The following NAA25 variants were observed in gnomAD, a reference collection of about 807,000 sequenced individuals.
NAA25 encodes the protein N-terminal acetyltransferase B complex subunit NAA25.
NAA25 carries 30 observed loss-of-function variants against 132.5 expected under a neutral mutation model. That is an observed-to-expected ratio of 0.23 (90% confidence interval 0.17 to 0.31). NAA25 has a LOEUF of 0.31. Ranked by LOEUF, NAA25 falls within the 10% of genes least tolerant of loss-of-function variation. NAA25 has a pLI of 1.00. For missense variants in NAA25, 771 were observed against 1,150.4 expected, an observed-to-expected ratio of 0.67 and a Z score of 4.77; for synonymous variants, 359 against 401.9, an observed-to-expected ratio of 0.89 and a Z score of 1.28.
chr12:112,074,543 G>A (rs2078867653), intron 9 of NAA25, 132 bp downstream of exon 9: 1 of 506,032 alleles, frequency 2.0e-6, no homozygotes. Flanking sequence ...TAAAAAATAT[G>A]AAAAAATGTC....
At chr12:112,065,155 G>A (rs1444023764) in intron 11 of NAA25, among the ~76,000 whole-genome samples, 1 of 152,150 alleles carries the variant, frequency 6.6e-6, no homozygotes. Flanking sequence ...GAGGCCAAGA[G>A]TTCAAGACCA....
chr12:112,048,979 G>A (rs998291931), intron 15 of NAA25, among the ~76,000 whole-genome samples: 6 of 151,212 alleles, frequency 4.0e-5, no homozygotes, highest in Non-Finnish European at 7.4e-5. Flanking sequence ...TGAGCATTAC[G>A]TCAGGATAGA....
rs1197764093 is a variant in NAA25 at position 112,028,265 on chromosome 12, C to T, written c.*1266G>A. The stretch of plus-strand genomic sequence containing the variant: ...TTGCTCTTACAGAATTAAACTTGAA[C>T]TATATTTAGGTAACAGACCAAAAAC... On this transcript the variant is annotated 3_prime_UTR_variant, in exon 24 of 24. Transcript: ENST00000261745. 5 of 152,454 alleles carry T rather than the reference C, an allele frequency of 3.3e-5. No individual in the cohort carries two copies. Among genetic ancestry groups the T allele is most frequent in the Admixed American group, 3.3e-4 (5 of 15,274 alleles). The allele number at this position is 152,454 out of a possible 1,614,324, so 9.4% of individuals were successfully genotyped here. A position where few individuals can be genotyped will look rare whatever the true frequency, so the allele number is the denominator to read the frequency against.
chr12:112,043,223 G>A lies in NAA25; in HGVS notation c.2251-12C>T. The A allele has an allele frequency of 6.4e-7, 1 of 1,568,002 alleles. No homozygotes were observed. The highest frequency in any genetic ancestry group is 8.6e-7 in the Non-Finnish European group (1 of 1,159,050). On this transcript the variant is annotated splice_polypyrimidine_tract_variant and intron_variant, in intron 18 of 23. Coordinates refer to ENST00000261745, the MANE Select transcript of NAA25 (RefSeq NM_024953.4). Reference sequence around the variant, plus strand: ...CCAAGGAAAGGATACTGGAAAAAAGGGAGAAAAATAATGCTCTTTTAAATC... The same window carrying A: ...CCAAGGAAAGGATACTGGAAAAAAGAGAGAAAAATAATGCTCTTTTAAATC...
At chr12:112,038,227 T>C (rs2078252295) in intron 22 of NAA25, among the ~76,000 whole-genome samples, 1 of 152,198 alleles carries the variant, frequency 6.6e-6, no homozygotes, top group African/African-American at 2.4e-5. Flanking sequence ...TTGGTCAGGC[T>C]GATCTTGAAC....
At chr12:112,072,171 T>C (rs540092177) in intron 9 of NAA25, 107 bp from the exon 10 acceptor site, 2 of 777,920 alleles carry the variant, frequency 2.6e-6, no homozygotes, top group East Asian at 2.8e-5. Context: ...TTTGATAATA[T>C]AAAATAATAG....
intron 6 of NAA25, 137 bp from the exon 7 acceptor site, chr12:112,078,403 C>T (rs1380269274): frequency 2.8e-6 from 2 of 716,198 alleles, no homozygotes; most frequent in East Asian, 5.4e-5. Flanking sequence ...AAGCAGGTAA[C>T]AGGATCTTCT....
At chr12:112,029,903 T>C (rs2078126742) in intron 23 of NAA25, among the ~76,000 whole-genome samples, 1 of 152,128 alleles carries the variant, frequency 6.6e-6, no homozygotes, top group Admixed American at 6.5e-5. Flanking sequence ...GTACCCTTTG[T>C]TGTAAGTTAT....
At chr12:112,050,954 G>C (rs1436646697) in intron 15 of NAA25, among the ~76,000 whole-genome samples, 1 of 152,076 alleles carries the variant, frequency 6.6e-6, no homozygotes, top group Admixed American at 6.6e-5. Flanking sequence ...GAGCTAGGTG[G>C]GAATTGAAAT....
At chr12:112,040,874 A>G (rs1359860339) in intron 20 of NAA25, among the ~76,000 whole-genome samples, 1 of 152,198 alleles carries the variant, frequency 6.6e-6, no homozygotes, top group African/African-American at 2.4e-5. Flanking sequence ...AATAAGACTA[A>G]GACTCTAAGT....
intron 15 of NAA25, among the ~76,000 whole-genome samples, chr12:112,051,936 GTTC>G (rs1370497547): frequency 8.5e-5 from 13 of 152,290 alleles, no homozygotes; most frequent in Admixed American, 3.3e-4. Flanking sequence ...GAGTAATACA[GTTC>G]TTCTAGAATG....
At chr12:112,077,249 GA>G (rs2078906531) in intron 7 of NAA25, among the ~76,000 whole-genome samples, 1 of 151,976 alleles carries the variant, frequency 6.6e-6, no homozygotes, top group Non-Finnish European at 1.5e-5. Context: ...GAGGCAGGCA[GA>G]TCACTTGAGG....
intron 20 of NAA25, among the ~76,000 whole-genome samples, chr12:112,041,409 C>T (rs1277470469): frequency 6.6e-6 from 1 of 151,952 alleles, no homozygotes; most frequent in African/African-American, 2.4e-5. Context: ...AGGATGGTCT[C>T]AATCTCCTGA....
chr12:112,055,922 G>A (rs1352839093), intron 13 of NAA25, among the ~76,000 whole-genome samples: 3 of 152,118 alleles, frequency 2.0e-5, no homozygotes, highest in Non-Finnish European at 2.9e-5. Flanking sequence ...AAGATAGGCC[G>A]GGCATAGTAG....
chr12:112,047,420 T>G lies in NAA25; in HGVS notation c.2006+245A>C, dbSNP rs549839882. 7.6e-4 allele frequency among the ~76,000 whole-genome samples: 115 copies of G among 152,040 alleles called. No individual in the cohort carries two copies. In the Middle Eastern group the frequency reaches 0.038, roughly 50 times the overall value. ...GTAATTTTTGTATTTTTAGTAGAGA[T>G]AGGGTTTCACCATGTTGGCCAGGAT... On this transcript the variant is annotated intron_variant, in intron 17 of 23. Coordinates refer to ENST00000261745, the MANE Select transcript of NAA25 (RefSeq NM_024953.4).
In NAA25 at chr12:112,104,208, G is replaced by A. The variant is rs527333603; in HGVS notation, c.58+4508C>T. ...GTCAGTACGACATATTAAAACAAGG[G>A]ATCTCATGCCTGTGTATGTGTGTAT... is the stretch of plus-strand genomic sequence containing the variant. On this transcript the variant is annotated intron_variant, in intron 1 of 23. Transcript: ENST00000261745. 3.3e-5 allele frequency among the ~76,000 whole-genome samples: 5 copies of A among 152,204 alleles called. 1 individual carries two copies. The South Asian group carries it at 1.0e-3, about 32-fold the overall frequency.
At chr12:112,033,556 C>A in intron 22 of NAA25, 177 bp from the exon 23 acceptor site, 5 of 423,880 alleles carry the variant, frequency 1.2e-5, no homozygotes, top group South Asian at 8.3e-5. Context: ...CAAAATAACA[C>A]AGTAATATTA....
At chr12:112,041,212 G>C (rs2078297212) in intron 20 of NAA25, among the ~76,000 whole-genome samples, 2 of 149,966 alleles carry the variant, frequency 1.3e-5, no homozygotes, top group Non-Finnish European at 3.0e-5. Context: ...TTTTGAGATG[G>C]AGTCTCGCTC....
intron 23 of NAA25, among the ~76,000 whole-genome samples, chr12:112,032,514 TCAGA>T (rs1461919010): frequency 6.6e-6 from 1 of 152,186 alleles, no homozygotes. Context: ...GCAGTTTAGC[TCAGA>T]CAAACTCCCG....
Sources: allele counts gnomAD v4.1 joint callset (sites outside exome capture counted in the v4.1 genomes callset), GRCh38; gene constraint gnomAD v4.1.1; transcripts MANE v1.5; gene names NCBI Gene and HGNC (gene_info 2026-07-23, HGNC 2026-07-21).